Variants in GOLGA4 observed in about 807,000 individuals in gnomAD.
The protein encoded by GOLGA4 is golgin A4.
In GOLGA4, 169 loss-of-function variants were observed where a neutral mutation model predicts 265.9. The ratio of observed to expected loss-of-function variants is 0.64; its 90% CI spans 0.56 to 0.72. The LOEUF (loss-of-function observed/expected upper bound fraction) is 0.72. Among genes scored for constraint, GOLGA4 ranks in the 30% least tolerant of loss-of-function variants. The probability of loss-of-function intolerance (pLI) is 0.00; values close to 1 mark genes in which losing one functional copy is unlikely to be tolerated. For synonymous variants in GOLGA4, 923 were observed against 855.8 expected (o/e 1.08, Z -1.37); for missense variants, 2,482 against 2,483.4 (o/e 1.00, Z 0.01).
intron 17 of GOLGA4, among the ~76,000 whole-genome samples, chr3:37,335,748 C>CT (rs75959188): frequency 0.044 from 5,964 of 136,192 alleles, 148 homozygotes; most frequent in Middle Eastern, 0.06. Flanking sequence ...AAGATCTAAG[C>CT]TTTTTTTTTT....
chr3:37,357,783 G>A (rs1036735294), intron 22 of GOLGA4, among the ~76,000 whole-genome samples: 1 of 152,286 alleles, frequency 6.6e-6, no homozygotes. Context: ...GCTGTAGCTC[G>A]CTAGAACAAA....
Position 37,326,673 on chromosome 3 carries a change from C to T in GOLGA4, c.4787C>T (p.Ser1596Phe), listed in dbSNP as rs1274120133. The T allele has an allele frequency of 6.2e-7, 1 of 1,611,302 alleles. No individual in the cohort carries two copies. Among genetic ancestry groups the T allele is most frequent in the Non-Finnish European group, 8.5e-7 (1 of 1,178,732 alleles). Residue 1596 changes from serine (S) to phenylalanine (F), a missense_variant, in exon 14 of 24, where the codon TCC becomes TTC. Coordinates refer to ENST00000361924, the MANE Select transcript of GOLGA4 (RefSeq NM_002078.5). The stretch of plus-strand genomic sequence containing the variant: ...TTAACACTTGAAAACCAAGTTTATT[C>T]CATGAAAGCTGAACTTGAAACTAAG... ...KILTLENQVY[S>F]MKAELETKKK...
chr3:37,321,967 T>G, intron 13 of GOLGA4, 81 bp downstream of exon 13: 2 of 1,121,838 alleles, frequency 1.8e-6, no homozygotes, highest in Non-Finnish European at 2.6e-6. Context: ...CAGTATAAAG[T>G]TTCGAAGATT....
chr3:37,264,677 T>C (rs375602623), intron 2 of GOLGA4, among the ~76,000 whole-genome samples: 1 of 152,308 alleles, frequency 6.6e-6, no homozygotes, highest in East Asian at 1.9e-4. Flanking sequence ...TTTATCACCA[T>C]GTTAGATAAT....
chr3:37,275,710 C>G (rs1329412288), intron 2 of GOLGA4: 6 of 1,612,042 alleles, frequency 3.7e-6, no homozygotes, highest in Non-Finnish European at 5.1e-6. Context: ...ACGAAGTGGT[C>G]CGCTTTGCCA....
intron 13 of GOLGA4, among the ~76,000 whole-genome samples, chr3:37,322,647 G>A (rs2096958287): frequency 6.6e-6 from 1 of 152,018 alleles, no homozygotes; most frequent in Non-Finnish European, 1.5e-5. Flanking sequence ...TAAATTAATT[G>A]TACTTTAATT....
chr3:37,352,118 C>T (rs1341144998), intron 21 of GOLGA4, among the ~76,000 whole-genome samples: 1 of 152,022 alleles, frequency 6.6e-6, no homozygotes, highest in Admixed American at 6.6e-5. Flanking sequence ...ATTTGCTGTA[C>T]CTTCTCCATC....
At position 37,302,206 on chromosome 3, in the gene GOLGA4, A is replaced by G. The variant is rs2096894821; in HGVS notation, c.1108A>G (p.Lys370Glu). Residue 370 changes from lysine (K) to glutamate (E), a missense_variant, in exon 10 of 24, where the codon AAA becomes GAA. Coordinates refer to ENST00000361924, the MANE Select transcript of GOLGA4 (RefSeq NM_002078.5). ...TCAGGGAATGGTAATCGCAGAGACA[A>G]AACGTCAGATGCATGAAACCCTGGA... Reference protein sequence around the residue: ...QDKGMVIAETKRQMHETLEMK... With the variant: ...QDKGMVIAETERQMHETLEMK... The G allele has an allele frequency of 3.1e-6, 5 of 1,613,546 alleles. No homozygotes were observed. The highest frequency in any genetic ancestry group is 4.2e-6 in the Non-Finnish European group (5 of 1,179,606).
rs774356896 is a variant in GOLGA4, at chr3:37,282,033, A to T, written c.238A>T (p.Ile80Leu). ...PSVESLFRSP[I>L]KESLFRSSSK... ...CGTGGAGTCTTTGTTTCGAAGTCCG[A>T]TAAAGGAATCTCTATTCCGGTCTTC... is the stretch of plus-strand genomic sequence containing the variant. The change falls in exon 3 of 24, where the codon ATA becomes TTA. Residue 80 changes from isoleucine (I) to leucine (L), a missense_variant. Ile to Leu is a conservative substitution (Grantham distance 5, BLOSUM62 2). Coordinates refer to ENST00000361924, the MANE Select transcript of GOLGA4 (RefSeq NM_002078.5). 2 of 1,613,904 alleles carry T rather than the reference A, an allele frequency of 1.2e-6. No individual in the cohort carries two copies. The highest frequency in any genetic ancestry group is 1.7e-6 in the Non-Finnish European group (2 of 1,179,920).
chr3:37,278,453 T>C (rs1292645156), intron 2 of GOLGA4, among the ~76,000 whole-genome samples: 3 of 152,316 alleles, frequency 2.0e-5, no homozygotes, highest in African/African-American at 7.2e-5. Context: ...TCCACCCGCC[T>C]TGGCCTCCCA....
chr3:37,275,930 C>A, intron 2 of GOLGA4: 3 of 1,613,630 alleles, frequency 1.9e-6, no homozygotes, highest in South Asian at 2.2e-5. Context: ...ATTAGATGGG[C>A]CATCAACTGA....
chr3:37,276,900 CTT>C (rs771039086), intron 2 of GOLGA4, among the ~76,000 whole-genome samples: 1 of 152,096 alleles, frequency 6.6e-6, no homozygotes, highest in African/African-American at 2.4e-5. Flanking sequence ...TACACCTTAA[CTT>C]TTTTTCTTTT....
intron 21 of GOLGA4, among the ~76,000 whole-genome samples, chr3:37,353,298 T>G (rs2097080514): frequency 1.3e-5 from 2 of 152,180 alleles, no homozygotes; most frequent in South Asian, 4.1e-4. Flanking sequence ...CCAATAGACT[T>G]GCTTGACAAA....
chr3:37,288,252 T>C (rs987960493), intron 4 of GOLGA4, among the ~76,000 whole-genome samples: 3 of 145,916 alleles, frequency 2.1e-5, no homozygotes, highest in Non-Finnish European at 4.5e-5. Flanking sequence ...CAGGCACGCA[T>C]CACCATGCCC....
At chr3:37,289,356 A>T (rs2096858947) in intron 5 of GOLGA4, 65 bp downstream of exon 5, 1 of 1,024,292 alleles carries the variant, frequency 9.8e-7, no homozygotes, top group Admixed American at 1.9e-5. Context: ...GAACTGTTGT[A>T]TGTGCTAGGG....
intron 16 of GOLGA4, among the ~76,000 whole-genome samples, chr3:37,332,100 G>A (rs1276795935): frequency 2.0e-5 from 3 of 152,084 alleles, no homozygotes; most frequent in Non-Finnish European, 4.4e-5. Context: ...GTTATTTTCT[G>A]TCTGGAAACA....
At chr3:37,346,825 T>C (rs984757729) in intron 20 of GOLGA4, among the ~76,000 whole-genome samples, 1 of 152,214 alleles carries the variant, frequency 6.6e-6, no homozygotes, top group African/African-American at 2.4e-5. Context: ...TTGTATTGTC[T>C]GACTTTTAAG....
At chr3:37,339,105 G>A (rs1484919275) in intron 19 of GOLGA4, among the ~76,000 whole-genome samples, 1 of 151,902 alleles carries the variant, frequency 6.6e-6, no homozygotes, top group African/African-American at 2.4e-5. Flanking sequence ...CTCATGATCT[G>A]CCTGCCTCAG....
At chr3:37,253,481 T>A (rs1427205366) in intron 2 of GOLGA4, among the ~76,000 whole-genome samples, 1 of 152,092 alleles carries the variant, frequency 6.6e-6, no homozygotes, top group Non-Finnish European at 1.5e-5. Context: ...CCTGTTAAAG[T>A]TGTCAAAAAA....
Sources: gnomAD v4.1 joint callset for allele counts (sites outside exome capture counted in the v4.1 genomes callset) on GRCh38, gnomAD v4.1.1 for gene constraint, MANE v1.5 for transcripts, NCBI Gene and HGNC (gene_info 2026-07-23, HGNC 2026-07-21) for gene names.